Variants in MYO5B observed in about 807,000 individuals in gnomAD.
MYO5B encodes the protein unconventional myosin-Vb.
A neutral mutation model predicts 229.3 loss-of-function variants in MYO5B; 143 were observed. That is an observed-to-expected ratio of 0.62 (90% CI 0.54 to 0.72). The LOEUF is 0.72. Ranked by LOEUF, MYO5B falls within the 30% of genes least tolerant of loss-of-function variation. The pLI is 0.00. For missense variants in MYO5B, 2,321 were observed against 2,331.0 expected (o/e 1.00, Z 0.09); for synonymous variants, 918 against 885.2 (o/e 1.04, Z -0.66).
intron 5 of MYO5B, among the ~76,000 whole-genome samples, chr18:49,996,416 T>A (rs2144319131): frequency 6.6e-6 from 1 of 152,324 alleles, no homozygotes; most frequent in Non-Finnish European, 1.5e-5. Context: ...AACCCAGATG[T>A]TCACCAGTAG....
At chr18:49,853,229 G>GC (rs1481999808) in intron 31 of MYO5B, among the ~76,000 whole-genome samples, 9 of 152,262 alleles carry the variant, frequency 5.9e-5, no homozygotes, top group Admixed American at 2.0e-4. Flanking sequence ...GGCAGGTGAC[G>GC]CCCCCCAGCC....
At chr18:49,962,160 G>C (rs955081429) in intron 12 of MYO5B, 106 bp downstream of exon 12, 2 of 1,480,866 alleles carry the variant, frequency 1.4e-6, no homozygotes, top group Non-Finnish European at 1.9e-6. Flanking sequence ...CCAGCACACT[G>C]AAGGCCAGCT....
chr18:50,043,302 ATAT>A (rs2030084243), intron 2 of MYO5B, among the ~76,000 whole-genome samples: 1 of 107,326 alleles, frequency 9.3e-6, no homozygotes, highest in Admixed American at 1.2e-4. Flanking sequence ...TATATATAAT[ATAT>A]AATATAAATA....
Position 50,009,381 on chromosome 18 carries a change from A to T in MYO5B, c.456-7970T>A, listed in dbSNP as rs556456738. On this transcript the variant is annotated intron_variant, in intron 4 of 39. Coordinates refer to ENST00000285039, the MANE Select transcript of MYO5B (RefSeq NM_001080467.3). ...CAATAGAGCAAGACTGTCTCAATCA[A>T]CAACAACAACAACAACTCAATATGG... Among the ~76,000 whole-genome samples, 9 of 152,206 alleles carry T rather than the reference A, an allele frequency of 5.9e-5. No individual in the cohort carries two copies. In the South Asian group the frequency reaches 1.9e-3, roughly 32 times the overall value.
At chr18:49,827,905 G>A (rs2023865739) in intron 39 of MYO5B, among the ~76,000 whole-genome samples, 1 of 152,090 alleles carries the variant, frequency 6.6e-6, no homozygotes, top group Admixed American at 6.5e-5. Context: ...CTAAGACAAA[G>A]AGGGAGTCTT....
At chr18:49,898,975 T>G (rs1354444208) in intron 21 of MYO5B, among the ~76,000 whole-genome samples, 1 of 152,154 alleles carries the variant, frequency 6.6e-6, no homozygotes, top group Admixed American at 6.5e-5. Flanking sequence ...ATCAGTGAAT[T>G]TTTGAGCTAG....
chr18:49,839,086 C>A, intron 36 of MYO5B, 58 bp downstream of exon 36: 5 of 1,606,938 alleles, frequency 3.1e-6, no homozygotes, highest in Non-Finnish European at 4.2e-6. Flanking sequence ...GCTGACCACG[C>A]CTTCCCCTCA....
intron 36 of MYO5B, 101 bp downstream of exon 36, chr18:49,839,043 G>A (rs1206498343): frequency 1.4e-6 from 2 of 1,459,942 alleles, no homozygotes; most frequent in Non-Finnish European, 1.9e-6. Flanking sequence ...GGAGGTCATG[G>A]CTAAGATATC....
intron 2 of MYO5B, among the ~76,000 whole-genome samples, chr18:50,053,230 C>T (rs146735469): frequency 2.1e-4 from 32 of 152,278 alleles, no homozygotes; most frequent in African/African-American, 7.2e-4. Flanking sequence ...CATTATTTCT[C>T]GAGAACTGCT....
At chr18:49,905,333 C>T (rs765286482) in intron 19 of MYO5B, among the ~76,000 whole-genome samples, 5 of 152,134 alleles carry the variant, frequency 3.3e-5, no homozygotes, top group Non-Finnish European at 5.9e-5. Flanking sequence ...CCTTTATCTC[C>T]TCAACCCTTT....
chr18:49,861,108 C>A (rs758904523), intron 29 of MYO5B, among the ~76,000 whole-genome samples: 11 of 152,254 alleles, frequency 7.2e-5, no homozygotes, highest in Non-Finnish European at 1.3e-4. Flanking sequence ...GCTCTTCAGG[C>A]CTCCACTCCC....
At chr18:50,070,351 C>T (rs927764421) in intron 1 of MYO5B, among the ~76,000 whole-genome samples, 1 of 152,094 alleles carries the variant, frequency 6.6e-6, no homozygotes, top group African/African-American at 2.4e-5. Context: ...GGTCTTCCTG[C>T]AACCAATTTG....
At chr18:49,951,953 C>A (rs908036953) in intron 14 of MYO5B, among the ~76,000 whole-genome samples, 1 of 152,192 alleles carries the variant, frequency 6.6e-6, no homozygotes, top group Non-Finnish European at 1.5e-5. Flanking sequence ...ACTTAGGGAG[C>A]TGCAAGGTCA....
At chr18:50,115,553 C>CAGAG (rs1568112670) in intron 1 of MYO5B, among the ~76,000 whole-genome samples, 11 of 65,780 alleles carry the variant, frequency 1.7e-4, no homozygotes, top group South Asian at 4.6e-4. Flanking sequence ...GAGAGACACA[C>CAGAG]ACACACACAC....
intron 27 of MYO5B, among the ~76,000 whole-genome samples, chr18:49,868,991 T>C (rs931102271): frequency 6.6e-6 from 1 of 152,232 alleles, no homozygotes; most frequent in African/African-American, 2.4e-5. Flanking sequence ...TCAAGGTGTC[T>C]TCCTAGAGTA....
At position 50,007,280 on chromosome 18, in the gene MYO5B, G is replaced by C. The variant is rs2026112111; in HGVS notation, c.456-5869C>G. Among the ~76,000 whole-genome samples, 2 of 152,106 alleles carry C rather than the reference G, an allele frequency of 1.3e-5. 1 individual carries two copies. The highest frequency in any genetic ancestry group is 4.1e-4 in the South Asian group (2 of 4,822). ...CCAGCAAGAAACCTAAGAGGCACTG[G>C]GGATTTCTCCCTTTCCCTCAGGCCC... On this transcript the variant is annotated intron_variant, in intron 4 of 39. Transcript: ENST00000285039.
chr18:49,990,632 C>A, intron 6 of MYO5B, 112 bp from the exon 7 acceptor site: 1 of 849,494 alleles, frequency 1.2e-6, no homozygotes, highest in South Asian at 1.4e-5. Context: ...CCCCACTCTT[C>A]CCAGTGTTTT....
intron 1 of MYO5B, among the ~76,000 whole-genome samples, chr18:50,141,931 A>G (rs1446035516): frequency 1.3e-5 from 2 of 152,232 alleles, no homozygotes; most frequent in Non-Finnish European, 2.9e-5. Flanking sequence ...AATTCAAGAA[A>G]GAGAAAATCA....
At chr18:49,954,175 A>G in intron 13 of MYO5B, 138 bp downstream of exon 13, 4 of 1,309,396 alleles carry the variant, frequency 3.1e-6, no homozygotes, top group Non-Finnish European at 4.4e-6. Flanking sequence ...TGGGTAAAAG[A>G]GGATGGAAGG....
Sources: allele counts gnomAD v4.1 joint callset (sites outside exome capture counted in the v4.1 genomes callset), GRCh38; gene constraint gnomAD v4.1.1; transcripts MANE v1.5; gene names NCBI Gene and HGNC (gene_info 2026-07-23, HGNC 2026-07-21).